The following PAM variants were observed in gnomAD, a reference collection of about 807,000 sequenced individuals.
The protein encoded by PAM is peptidylglycine alpha-amidating monooxygenase, also known as peptidyl-glycine alpha-amidating monooxygenase.
Under a neutral mutation model 122.1 loss-of-function variants are expected in PAM, and 72 were observed. That is an observed-to-expected ratio of 0.59 (90% confidence interval 0.49 to 0.72). The LOEUF (loss-of-function observed/expected upper bound fraction) is 0.72. Among genes scored for constraint, PAM ranks in the 30% least tolerant of loss-of-function variants. The probability of loss-of-function intolerance (pLI) is 0.00; values close to 1 mark genes in which losing one functional copy is unlikely to be tolerated. For synonymous variants in PAM, 389 were observed against 404.4 expected, an observed-to-expected ratio of 0.96 and a Z score of 0.46; for missense variants, 1,106 against 1,183.7, an observed-to-expected ratio of 0.93 and a Z score of 0.96.
At chr5:102,969,977 T>C (rs117544717) in intron 14 of PAM, among the ~76,000 whole-genome samples, 2 of 152,236 alleles carry the variant, frequency 1.3e-5, no homozygotes, top group East Asian at 3.9e-4. Flanking sequence ...GCACAGATGA[T>C]AGGTGGAGAA....
intron 1 of PAM, among the ~76,000 whole-genome samples, chr5:102,773,536 A>G (rs1756346601): frequency 6.6e-6 from 1 of 152,096 alleles, no homozygotes; most frequent in Non-Finnish European, 1.5e-5. Flanking sequence ...TGCTCTGTTT[A>G]AAATTTGTTT....
rs554732180 is a variant in PAM, at chr5:102,977,928, G to T, written c.1483+3492G>T. ...ATGAGATTATAATAGTATACTCCTCGCAGAGTTCAAGTGAGGGTCAAATGA... is the reference window on the plus strand; with the variant it reads ...ATGAGATTATAATAGTATACTCCTCTCAGAGTTCAAGTGAGGGTCAAATGA... On this transcript the variant is annotated intron_variant, in intron 15 of 25. Transcript: ENST00000438793. 2.0e-5 allele frequency among the ~76,000 whole-genome samples: 3 copies of T among 152,114 alleles called. No individual in the cohort carries two copies. The South Asian group carries it at 6.2e-4, about 32-fold the overall frequency.
chr5:102,953,874 A>C (rs1759812387), intron 12 of PAM, among the ~76,000 whole-genome samples: 1 of 152,054 alleles, frequency 6.6e-6, no homozygotes, highest in Non-Finnish European at 1.5e-5. Context: ...TTAGTCGGGC[A>C]TGATGGCGGA....
intron 18 of PAM, among the ~76,000 whole-genome samples, chr5:103,006,577 C>A (rs1779048179): frequency 6.6e-6 from 1 of 152,140 alleles, no homozygotes; most frequent in Non-Finnish European, 1.5e-5. Context: ...ACCGCGTGAC[C>A]TTGAGCAAAT....
At chr5:103,026,572 G>A (rs1051518811) in intron 24 of PAM, among the ~76,000 whole-genome samples, 2 of 152,134 alleles carry the variant, frequency 1.3e-5, no homozygotes, top group African/African-American at 2.4e-5. Flanking sequence ...GGGGCAAAGA[G>A]AAATAAACAT....
chr5:102,773,839 A>G (rs1756431914), intron 1 of PAM, among the ~76,000 whole-genome samples: 1 of 152,096 alleles, frequency 6.6e-6, no homozygotes, highest in African/African-American at 2.4e-5. Flanking sequence ...TATTAAGCCC[A>G]GTACATAATA....
intron 16 of PAM, among the ~76,000 whole-genome samples, chr5:102,994,542 TG>T (rs1416114444): frequency 2.0e-5 from 3 of 152,144 alleles, no homozygotes; most frequent in Non-Finnish European, 4.4e-5. Flanking sequence ...TTAGTTCCCT[TG>T]ATGTGTATGC....
rs140394839 is a variant in PAM at position 102,979,547 on chromosome 5, T to C, written c.1483+5111T>C. ...GTCTTCTAGTGATTTTTTTCAGTTC[T>C]ATTTCTTAAAATTAAATGTGAAGAG... On this transcript the variant is annotated intron_variant, in intron 15 of 25. Coordinates refer to ENST00000438793, the MANE Select transcript of PAM (RefSeq NM_001177306.2). Among the ~76,000 whole-genome samples the C allele has an allele frequency of 2.0e-3, 306 of 152,266 alleles. 2 individuals are homozygous for C. The highest frequency in any genetic ancestry group is 6.9e-3 in the African/African-American group (285 of 41,576).
intron 21 of PAM, among the ~76,000 whole-genome samples, chr5:103,013,214 C>T (rs913860175): frequency 6.6e-6 from 1 of 151,930 alleles, no homozygotes; most frequent in Non-Finnish European, 1.5e-5. Context: ...GAGTATCTTC[C>T]CTTCTTGTGT....
intron 8 of PAM, 79 bp from the exon 9 acceptor site, chr5:102,948,299 T>C: frequency 1.4e-6 from 1 of 736,398 alleles, no homozygotes; most frequent in Non-Finnish European, 2.4e-6. Context: ...AACCAAAGTA[T>C]TGAGGTATAT....
chr5:103,017,454 T>TTGC, intron 22 of PAM, 21 bp downstream of exon 22: 1 of 1,403,470 alleles, frequency 7.1e-7, no homozygotes, highest in Non-Finnish European at 1.0e-6. Flanking sequence ...CACAGTATTA[T>TTGC]TGTTCACATT....
At chr5:102,930,595 A>C (rs888832067) in intron 7 of PAM, among the ~76,000 whole-genome samples, 1 of 152,156 alleles carries the variant, frequency 6.6e-6, no homozygotes, top group Admixed American at 6.5e-5. Flanking sequence ...GAGAGGTCAA[A>C]GGTGGGGAGC....
rs1169949930 is a variant in PAM at position 103,029,571 on chromosome 5, TA to T, written c.*512del. 5 of 152,654 alleles carry T rather than the reference TA, an allele frequency of 3.3e-5. No individual in the cohort carries two copies. 9.5% of individuals were successfully genotyped at this position (152,654 alleles called of 1,614,324 possible). ...TAACATTATATTGCAATGAAGGAAATAAAAAAGTCTCTATTTAAATTCTTTT... is the reference window on the plus strand; with the variant it reads ...TAACATTATATTGCAATGAAGGAAATAAAAAGTCTCTATTTAAATTCTTTT... On this transcript the variant is annotated 3_prime_UTR_variant, in exon 26 of 26. Coordinates refer to ENST00000438793, the MANE Select transcript of PAM (RefSeq NM_001177306.2).
chr5:102,846,971 T>C (rs924848312), intron 1 of PAM, among the ~76,000 whole-genome samples: 1 of 152,198 alleles, frequency 6.6e-6, no homozygotes, highest in Admixed American at 6.5e-5. Context: ...AGTGGACAAT[T>C]AGCTATGGCT....
At chr5:102,948,818 A>G (rs1016402078) in intron 9 of PAM, among the ~76,000 whole-genome samples, 1 of 152,158 alleles carries the variant, frequency 6.6e-6, no homozygotes, top group African/African-American at 2.4e-5. Context: ...AACGACTAGC[A>G]AATCCAGCAC....
chr5:102,810,984 T>G (rs1036569831), intron 1 of PAM, among the ~76,000 whole-genome samples: 2 of 152,230 alleles, frequency 1.3e-5, no homozygotes, highest in African/African-American at 4.8e-5. Flanking sequence ...GTTTTCTGTG[T>G]TCACTCAGTG....
rs113342548 is a variant in PAM, at chr5:102,836,421, G to T, written c.-373-29402G>T. ...TTTTTTAGTTTTGTTTGTAGAGATG[G>T]GGTATAACTATGTTGCCCAGGCTAA... On this transcript the variant is annotated intron_variant, in intron 1 of 25. Coordinates refer to ENST00000438793, the MANE Select transcript of PAM (RefSeq NM_001177306.2). 6.9e-3 allele frequency among the ~76,000 whole-genome samples: 1,049 copies of T among 152,198 alleles called. 8 individuals carry two copies. Among genetic ancestry groups the T allele is most frequent in the Non-Finnish European group, 0.013 (872 of 68,002 alleles).
chr5:102,864,281 G>A (rs1784945308), intron 1 of PAM, among the ~76,000 whole-genome samples: 1 of 150,674 alleles, frequency 6.6e-6, no homozygotes, highest in African/African-American at 2.4e-5. Context: ...TAGCCTTCCT[G>A]CCAATTGTTT....
intron 1 of PAM, among the ~76,000 whole-genome samples, chr5:102,863,893 T>G (rs1784810877): frequency 6.6e-6 from 1 of 151,364 alleles, no homozygotes; most frequent in African/African-American, 2.4e-5. Context: ...GTTCTATTCA[T>G]GGCTACAAAT....
Sources: allele counts gnomAD v4.1 joint callset (sites outside exome capture counted in the v4.1 genomes callset), GRCh38; gene constraint gnomAD v4.1.1; transcripts MANE v1.5; gene names NCBI Gene and HGNC (gene_info 2026-07-23, HGNC 2026-07-21).